The following PGM2L1 variants were observed in gnomAD, a reference collection of about 807,000 sequenced individuals.
The protein encoded by PGM2L1 is phosphoglucomutase 2 like 1.
Under a neutral mutation model 73.4 loss-of-function variants are expected in PGM2L1, and 35 were observed. The ratio of observed to expected loss-of-function variants is 0.48; its 90% CI spans 0.36 to 0.63. The LOEUF is 0.63. Among genes scored for constraint, PGM2L1 ranks in the 30% least tolerant of loss-of-function variants. The pLI, the probability that PGM2L1 is intolerant of heterozygous loss-of-function variation, is 0.00. For synonymous variants in PGM2L1, 225 were observed against 253.8 expected, an observed-to-expected ratio of 0.89 and a Z score of 1.08; for missense variants, 570 against 742.0, an observed-to-expected ratio of 0.77 and a Z score of 2.69.
At chr11:74,337,583 T>G (rs1213791751) in intron 13 of PGM2L1, among the ~76,000 whole-genome samples, 1 of 152,234 alleles carries the variant, frequency 6.6e-6, no homozygotes, top group African/African-American at 2.4e-5. Context: ...TTAATACATT[T>G]AAGTAGCCTT....
At chr11:74,364,721 A>G in intron 5 of PGM2L1, among the ~76,000 whole-genome samples, 1 of 152,250 alleles carries the variant, frequency 6.6e-6, no homozygotes, top group Non-Finnish European at 1.5e-5. Flanking sequence ...AAGAGGACAC[A>G]AACAAATGGA....
At chr11:74,383,842 T>TATAA (rs1484974192) in intron 1 of PGM2L1, among the ~76,000 whole-genome samples, 1 of 146,794 alleles carries the variant, frequency 6.8e-6, no homozygotes, top group Non-Finnish European at 1.5e-5. Flanking sequence ...TATATATATA[T>TATAA]AACATTTTCT....
intron 7 of PGM2L1, 41 bp from the exon 8 acceptor site, chr11:74,346,870 C>A: frequency 6.9e-7 from 1 of 1,459,010 alleles, no homozygotes; most frequent in South Asian, 1.1e-5. Context: ...ACTGAAGAAC[C>A]TAAGTTCAAT....
intron 6 of PGM2L1, among the ~76,000 whole-genome samples, chr11:74,348,206 C>G (rs576177131): frequency 2.8e-4 from 42 of 152,288 alleles, no homozygotes; most frequent in Admixed American, 5.2e-4. Flanking sequence ...AATTCTCTCT[C>G]GCCGGCATCA....
intron 1 of PGM2L1, among the ~76,000 whole-genome samples, chr11:74,390,948 A>G (rs1414429263): frequency 6.6e-6 from 1 of 152,196 alleles, no homozygotes; most frequent in African/African-American, 2.4e-5. Flanking sequence ...CTAGAGGCTT[A>G]GGGGACGAAG....
chr11:74,359,942 CA>C (rs1465915157), intron 5 of PGM2L1, among the ~76,000 whole-genome samples: 1 of 152,126 alleles, frequency 6.6e-6, no homozygotes, highest in African/African-American at 2.4e-5. Flanking sequence ...CAATGAATAT[CA>C]AGGCAGACTA....
chr11:74,352,163 C>G (rs1406587640), intron 5 of PGM2L1, among the ~76,000 whole-genome samples: 1 of 151,834 alleles, frequency 6.6e-6, no homozygotes, highest in Admixed American at 6.6e-5. Flanking sequence ...AAAATACAAG[C>G]AGGGCTAATT....
intron 1 of PGM2L1, among the ~76,000 whole-genome samples, chr11:74,384,386 T>C (rs1862991786): frequency 6.6e-6 from 1 of 152,044 alleles, no homozygotes; most frequent in South Asian, 2.1e-4. Context: ...CTCTGCTCAA[T>C]TTTAATCTTT....
At chr11:74,384,556 ATTATAT>A (rs1364893374) in intron 1 of PGM2L1, among the ~76,000 whole-genome samples, 2 of 151,594 alleles carry the variant, frequency 1.3e-5, no homozygotes, top group Non-Finnish European at 2.9e-5. Context: ...ACTCTGTACT[ATTATAT>A]TTATATTATT....
At chr11:74,397,369 T>C (rs73554651) in intron 1 of PGM2L1, among the ~76,000 whole-genome samples, 5,859 of 126,318 alleles carry the variant, frequency 0.046, 368 homozygotes, top group African/African-American at 0.16. Context: ...GGAGGGTGGG[T>C]GGGGAGGTGT....
At chr11:74,364,658 T>G (rs370230925) in intron 5 of PGM2L1, among the ~76,000 whole-genome samples, 203 of 152,060 alleles carry the variant, frequency 1.3e-3, no homozygotes, top group African/African-American at 4.0e-3. Context: ...AACTTACAAG[T>G]GATGTGAAGG....
chr11:74,387,639 A>G lies in PGM2L1; in HGVS notation c.111+10412T>C, dbSNP rs542790765. On this transcript the variant is annotated intron_variant, in intron 1 of 13. Transcript: ENST00000298198. ...CATTTTAAATTTTTGCCCCATATCC[A>G]TTATCTATTTGTATCCTACTTACCC... Among the ~76,000 whole-genome samples, 4 of 152,170 alleles carry G rather than the reference A, an allele frequency of 2.6e-5. No individual in the cohort carries two copies. The East Asian group carries it at 7.7e-4, about 29-fold the overall frequency.
intron 1 of PGM2L1, among the ~76,000 whole-genome samples, chr11:74,387,489 TACTC>T (rs1565446189): frequency 6.6e-6 from 1 of 152,210 alleles, no homozygotes; most frequent in African/African-American, 2.4e-5. Flanking sequence ...CACCTATACT[TACTC>T]ACCATAGTAG....
In PGM2L1 at chr11:74,335,765, AGCTT is replaced by A. The variant is rs1369217976; in HGVS notation, c.*883_*886del. On this transcript the variant is annotated 3_prime_UTR_variant, in exon 14 of 14. Coordinates refer to ENST00000298198, the MANE Select transcript of PGM2L1 (RefSeq NM_173582.6). ...AATATGAAGATCCTTAACTACATTAAGCTTGCTTTTATTAAGATCTTTATTTATA... is the reference window on the plus strand; with the variant it reads ...AATATGAAGATCCTTAACTACATTAAGCTTTTATTAAGATCTTTATTTATA... 4.6e-5 allele frequency: 7 copies of A among 152,642 alleles called. No individual in the cohort carries two copies. Among genetic ancestry groups the A allele is most frequent in the Admixed American group, 1.3e-4 (2 of 15,276 alleles). 9.5% of individuals were successfully genotyped at this position (152,642 alleles called of 1,614,324 possible).
chr11:74,345,900 A>G (rs568889009), intron 8 of PGM2L1, among the ~76,000 whole-genome samples: 1 of 152,292 alleles, frequency 6.6e-6, no homozygotes, highest in South Asian at 2.1e-4. Context: ...AGAAAAAATT[A>G]TGATAAATAA....
In PGM2L1 at chr11:74,346,826, G is replaced by A; in HGVS notation, c.943C>T (p.Leu315Phe). The change falls in exon 8 of 14, where the codon CTT becomes TTT. Residue 315 changes from leucine (L) to phenylalanine (F), a missense_variant. By Grantham distance (22) the Leu-to-Phe change is conservative. Coordinates refer to ENST00000298198, the MANE Select transcript of PGM2L1 (RefSeq NM_173582.6). ...NPEEGESVLELSLRLAEKENA... is the reference protein window; with the variant it reads ...NPEEGESVLEFSLRLAEKENA... ...TCTTTCTCTGCCAGTCTCAAGGAAA[G>A]TTCCTGAAACAGTGACCCAAAAAGC... The A allele has an allele frequency of 4.3e-6, 7 of 1,613,422 alleles. No homozygotes were observed. The highest frequency in any genetic ancestry group is 5.9e-6 in the Non-Finnish European group (7 of 1,179,366).
At chr11:74,351,257 T>C (rs1862347787) in intron 6 of PGM2L1, 126 bp downstream of exon 6, 1 of 887,848 alleles carries the variant, frequency 1.1e-6, no homozygotes, top group Admixed American at 3.1e-5. Flanking sequence ...ACTCTTTGAC[T>C]CTTATGAGTA....
At chr11:74,344,059 G>C (rs1368072525) in intron 9 of PGM2L1, among the ~76,000 whole-genome samples, 2 of 152,048 alleles carry the variant, frequency 1.3e-5, no homozygotes, top group African/African-American at 4.8e-5. Context: ...ACAGGCGTGA[G>C]CCACCACGTC....
At position 74,340,336 on chromosome 11, in the gene PGM2L1, G is replaced by A. The variant is rs536016406; in HGVS notation, c.1633-1735C>T. 8.5e-5 allele frequency among the ~76,000 whole-genome samples: 13 copies of A among 152,284 alleles called. No individual in the cohort carries two copies. The South Asian group carries it at 2.7e-3, about 32-fold the overall frequency. ...AAGCATTATACCATAGGCTACTTGAGCACAGCAAACTAGAGAAATAAAAAG... is the reference window on the plus strand; with the variant it reads ...AAGCATTATACCATAGGCTACTTGAACACAGCAAACTAGAGAAATAAAAAG... On this transcript the variant is annotated intron_variant, in intron 12 of 13. Coordinates refer to ENST00000298198, the MANE Select transcript of PGM2L1 (RefSeq NM_173582.6).
Sources: allele counts gnomAD v4.1 joint callset (sites outside exome capture counted in the v4.1 genomes callset), GRCh38; gene constraint gnomAD v4.1.1; transcripts MANE v1.5; gene names NCBI Gene and HGNC (gene_info 2026-07-23, HGNC 2026-07-21).